CDH13: variants seen among roughly 807,000 people sequenced by gnomAD.
CDH13 encodes the protein cadherin 13, also known as cadherin-13.
A neutral mutation model predicts 63.8 loss-of-function variants in CDH13; 24 were observed. The observed-to-expected ratio is 0.38, with a 90% CI of 0.27 to 0.53. The LOEUF (loss-of-function observed/expected upper bound fraction) is 0.53, where lower values mean the gene tolerates loss of function less well. Among genes scored for constraint, CDH13 ranks in the 20% least tolerant of loss-of-function variants. The pLI is 0.85. For missense variants in CDH13, 1,049 were observed against 903.1 expected, an observed-to-expected ratio of 1.16 and a Z score of -2.07; for synonymous variants, 503 against 355.3, an observed-to-expected ratio of 1.42 and a Z score of -4.67.
chr16:83,688,574 G>C (rs1045816913), intron 10 of CDH13, among the ~76,000 whole-genome samples: 1 of 152,186 alleles, frequency 6.6e-6, no homozygotes, highest in Non-Finnish European at 1.5e-5. Context: ...TGTGGTTACT[G>C]ACCTCAATAA....
chr16:82,925,690 C>G (rs2151287348), intron 2 of CDH13, among the ~76,000 whole-genome samples: 1 of 152,294 alleles, frequency 6.6e-6, no homozygotes. Flanking sequence ...ACAAACATGT[C>G]AGACAGCCAG....
intron 3 of CDH13, among the ~76,000 whole-genome samples, chr16:83,095,074 C>G (rs1344298725): frequency 6.6e-6 from 1 of 152,188 alleles, no homozygotes; most frequent in African/African-American, 2.4e-5. Context: ...CCAAAATTAA[C>G]TTTATTGTCA....
chr16:83,396,700 A>C (rs2091891905), intron 6 of CDH13: 1 of 152,248 alleles, frequency 6.6e-6, no homozygotes, highest in Non-Finnish European at 1.5e-5. Context: ...CAGTAATTGA[A>C]GGAGGAGAAT....
In CDH13 at chr16:83,453,719, G is replaced by T. The variant is rs943982819; in HGVS notation, c.782-32758G>T. Among the ~76,000 whole-genome samples the T allele has an allele frequency of 2.0e-5, 3 of 152,060 alleles. No homozygotes were observed. The East Asian group carries it at 5.8e-4, about 29-fold the overall frequency. ...GGGCAATGTTCTCTGCCGTACTCCCGAACTTGTTTAAAAAGGAAACTCTTT... is the reference window on the plus strand; with the variant it reads ...GGGCAATGTTCTCTGCCGTACTCCCTAACTTGTTTAAAAAGGAAACTCTTT... On this transcript the variant is annotated intron_variant, in intron 6 of 13. Transcript: ENST00000567109.
rs536775631 is a variant in CDH13 at position 83,124,189 on chromosome 16, G to T, written c.367-1196G>T. Among the ~76,000 whole-genome samples the T allele has an allele frequency of 4.6e-5, 7 of 152,206 alleles. No homozygotes were observed. In the East Asian group the frequency reaches 1.2e-3, roughly 25 times the overall value. Reference sequence around the variant, plus strand: ...GCCTCCCTAGTAGCTGGGATTACAGGTACCTGCCACCATGCCTGGCTAATT... The same window carrying T: ...GCCTCCCTAGTAGCTGGGATTACAGTTACCTGCCACCATGCCTGGCTAATT... On this transcript the variant is annotated intron_variant, in intron 3 of 13. Transcript: ENST00000567109.
At chr16:83,209,477 A>G (rs1387480648) in intron 4 of CDH13, among the ~76,000 whole-genome samples, 1 of 152,178 alleles carries the variant, frequency 6.6e-6, no homozygotes, top group East Asian at 1.9e-4. Flanking sequence ...AAAGAGAAAT[A>G]AAGGTCTGAA....
chr16:82,924,810 C>T (rs944287780), intron 2 of CDH13, among the ~76,000 whole-genome samples: 2 of 152,104 alleles, frequency 1.3e-5, no homozygotes, highest in Non-Finnish European at 2.9e-5. Flanking sequence ...AACCAGCTAA[C>T]ATCTAGAATT....
At chr16:83,256,527 C>T (rs1289209342) in intron 5 of CDH13, among the ~76,000 whole-genome samples, 2 of 151,782 alleles carry the variant, frequency 1.3e-5, no homozygotes, top group Non-Finnish European at 2.9e-5. Flanking sequence ...GGATATGTTC[C>T]CTGACCTCAA....
At chr16:82,830,898 C>G (rs1019660260) in intron 1 of CDH13, among the ~76,000 whole-genome samples, 4 of 152,172 alleles carry the variant, frequency 2.6e-5, no homozygotes, top group African/African-American at 9.7e-5. Flanking sequence ...GGAAGAAAAA[C>G]TGTCCTATTA....
At chr16:82,639,138 A>C (rs1909066366) in intron 1 of CDH13, among the ~76,000 whole-genome samples, 1 of 150,340 alleles carries the variant, frequency 6.7e-6, no homozygotes, top group South Asian at 2.1e-4. Context: ...TGCCTTTCCC[A>C]CTCCCCTCAT....
At chr16:83,528,265 A>C (rs2075006567) in intron 7 of CDH13, among the ~76,000 whole-genome samples, 1 of 152,252 alleles carries the variant, frequency 6.6e-6, no homozygotes. Flanking sequence ...TATTTGCCAT[A>C]ATAAGGATGA....
At chr16:83,372,749 TAAAAAAA>T (rs35480546) in intron 6 of CDH13, among the ~76,000 whole-genome samples, 19 of 95,574 alleles carry the variant, frequency 2.0e-4, no homozygotes, top group African/African-American at 5.8e-4. Flanking sequence ...AGACTCGGTC[TAAAAAAA>T]AAAAAAAAAA....
intron 4 of CDH13, among the ~76,000 whole-genome samples, chr16:83,152,890 G>C (rs4307936): frequency 0.054 from 8,152 of 152,116 alleles, 710 homozygotes; most frequent in African/African-American, 0.19. Flanking sequence ...GAAAAATACG[G>C]ACATAGACAC....
intron 3 of CDH13, among the ~76,000 whole-genome samples, chr16:83,104,464 G>A (rs932318659): frequency 6.6e-6 from 1 of 152,138 alleles, no homozygotes; most frequent in African/African-American, 2.4e-5. Context: ...GCTGATTTGG[G>A]ACTTCACTAA....
At chr16:83,311,824 C>T (rs1398560579) in intron 5 of CDH13, among the ~76,000 whole-genome samples, 1 of 152,184 alleles carries the variant, frequency 6.6e-6, no homozygotes, top group Non-Finnish European at 1.5e-5. Context: ...CCTGTAATCC[C>T]AGCACTTTGG....
intron 1 of CDH13, among the ~76,000 whole-genome samples, chr16:82,755,085 T>G (rs887610078): frequency 7.2e-5 from 11 of 152,356 alleles, no homozygotes; most frequent in South Asian, 4.1e-4. Context: ...TACACAAGCA[T>G]GTACACACAT....
At chr16:83,339,258 G>T (rs1031770631) in intron 5 of CDH13, among the ~76,000 whole-genome samples, 2 of 152,140 alleles carry the variant, frequency 1.3e-5, no homozygotes, top group Admixed American at 1.3e-4. Context: ...CCCTGAGAGA[G>T]GAGCCATCCT....
intron 2 of CDH13, among the ~76,000 whole-genome samples, chr16:82,997,898 C>T (rs1291277672): frequency 6.6e-6 from 1 of 152,194 alleles, no homozygotes; most frequent in Admixed American, 6.5e-5. Context: ...TAAGGTGAAT[C>T]TGATACTAGT....
At chr16:83,125,732 G>A (rs140871269) in intron 4 of CDH13, among the ~76,000 whole-genome samples, 2 of 152,294 alleles carry the variant, frequency 1.3e-5, no homozygotes, top group Admixed American at 1.3e-4. Flanking sequence ...CATGGTAGAT[G>A]ATGTTGAAAT....
Sources: allele counts gnomAD v4.1 joint callset (sites outside exome capture counted in the v4.1 genomes callset), GRCh38; gene constraint gnomAD v4.1.1; transcripts MANE v1.5; gene names NCBI Gene and HGNC (gene_info 2026-07-23, HGNC 2026-07-21).